The following TULP4 variants were observed in gnomAD, a reference collection of about 807,000 sequenced individuals.
TULP4 encodes the protein TUB like protein 4, also known as tubby-related protein 4.
TULP4 carries 16 observed loss-of-function variants against 129.0 expected under a neutral mutation model. That is an observed-to-expected ratio of 0.12 (90% CI 0.08 to 0.19). The LOEUF (loss-of-function observed/expected upper bound fraction) is 0.19, where lower values mean the gene tolerates loss of function less well. Ranked by LOEUF, TULP4 falls within the 10% of genes least tolerant of loss-of-function variation. TULP4 has a pLI of 1.00. For synonymous variants in TULP4, 998 were observed against 854.0 expected (o/e 1.17, Z -2.94); for missense variants, 1,842 against 2,059.1 (o/e 0.89, Z 2.04).
At chr6:158,357,649 A>C (rs1392277384) in intron 1 of TULP4, among the ~76,000 whole-genome samples, 2 of 152,168 alleles carry the variant, frequency 1.3e-5, no homozygotes, top group Admixed American at 1.3e-4. Flanking sequence ...TCGTCTCCTG[A>C]AACTTGAAGT....
At chr6:158,328,393 C>T (rs1352216144) in intron 1 of TULP4, among the ~76,000 whole-genome samples, 1 of 152,008 alleles carries the variant, frequency 6.6e-6, no homozygotes, top group Admixed American at 6.5e-5. Flanking sequence ...TGAAATTGAA[C>T]TCAGGAACCT....
At chr6:158,470,571 C>T (rs1007168879) in intron 6 of TULP4, among the ~76,000 whole-genome samples, 2 of 152,186 alleles carry the variant, frequency 1.3e-5, no homozygotes, top group Non-Finnish European at 2.9e-5. Context: ...AAGGTGGATG[C>T]GGTCACCTTC....
At chr6:158,473,726 G>T (rs1426602192) in intron 6 of TULP4, among the ~76,000 whole-genome samples, 1 of 151,894 alleles carries the variant, frequency 6.6e-6, no homozygotes, top group South Asian at 2.1e-4. Context: ...TCACCATGTT[G>T]GTCAGGCTGG....
chr6:158,450,260 C>G (rs1779136746), intron 4 of TULP4, among the ~76,000 whole-genome samples: 1 of 152,126 alleles, frequency 6.6e-6, no homozygotes, highest in Admixed American at 6.6e-5. Context: ...AGTCAAAGGG[C>G]ACAGTGGGTG....
At chr6:158,500,757 T>C (rs1450680413) in intron 12 of TULP4, among the ~76,000 whole-genome samples, 1 of 152,200 alleles carries the variant, frequency 6.6e-6, no homozygotes, top group Non-Finnish European at 1.5e-5. Flanking sequence ...CCTTACATAC[T>C]GTTTGAAATG....
At chr6:158,268,758 C>G (rs1281201604) in intron 1 of TULP4, among the ~76,000 whole-genome samples, 1 of 152,132 alleles carries the variant, frequency 6.6e-6, no homozygotes, top group Non-Finnish European at 1.5e-5. Flanking sequence ...AATTATATTA[C>G]TTACAAATCA....
intron 1 of TULP4, chr6:158,237,929 C>T: frequency 1.4e-6 from 1 of 728,842 alleles, no homozygotes; most frequent in Non-Finnish European, 2.6e-6. Context: ...CATAGCTGTT[C>T]TAGGTCACTA....
At chr6:158,303,158 C>T (rs901455541) in intron 1 of TULP4, among the ~76,000 whole-genome samples, 4 of 151,072 alleles carry the variant, frequency 2.6e-5, no homozygotes, top group African/African-American at 9.8e-5. Context: ...CATCCTAGGA[C>T]CCCGTGTCTT....
At chr6:158,423,386 G>C (rs1217821826) in intron 2 of TULP4, among the ~76,000 whole-genome samples, 1 of 152,142 alleles carries the variant, frequency 6.6e-6, no homozygotes, top group African/African-American at 2.4e-5. Context: ...AGTAGAGTAA[G>C]TATAGCAAAT....
chr6:158,326,388 T>C (rs1779749587), intron 1 of TULP4, among the ~76,000 whole-genome samples: 1 of 152,230 alleles, frequency 6.6e-6, no homozygotes, highest in South Asian at 2.1e-4. Flanking sequence ...CCTTCTGCTC[T>C]CTGGATTGGT....
chr6:158,293,536 T>TA (rs1217918958), intron 1 of TULP4, among the ~76,000 whole-genome samples: 2 of 152,204 alleles, frequency 1.3e-5, no homozygotes, highest in African/African-American at 4.8e-5. Flanking sequence ...AATAAAAAAT[T>TA]ACCTCTACCA....
intron 1 of TULP4, among the ~76,000 whole-genome samples, chr6:158,351,623 T>C (rs1780525508): frequency 6.6e-6 from 1 of 151,954 alleles, no homozygotes; most frequent in Admixed American, 6.6e-5. Context: ...AGACACCTTA[T>C]GTAACTCAGG....
At chr6:158,330,138 CT>C (rs10712312) in intron 1 of TULP4, among the ~76,000 whole-genome samples, 139,071 of 152,162 alleles carry the variant, frequency 0.91, 63,782 homozygotes, top group Admixed American at 0.95. Flanking sequence ...AACCGATACT[CT>C]TTTTTTTATA....
chr6:158,295,360 T>A (rs1050954807), intron 1 of TULP4, among the ~76,000 whole-genome samples: 1 of 151,996 alleles, frequency 6.6e-6, no homozygotes, highest in Non-Finnish European at 1.5e-5. Flanking sequence ...TACAATAATT[T>A]AAAAAAAACT....
intron 3 of TULP4, among the ~76,000 whole-genome samples, chr6:158,430,732 C>T (rs1037021643): frequency 2.0e-5 from 3 of 151,896 alleles, no homozygotes; most frequent in African/African-American, 4.8e-5. Flanking sequence ...GGTGACAGAG[C>T]GATACTCCAT....
In TULP4 at chr6:158,509,941, T is replaced by A. The variant is rs1445118964; in HGVS notation, c.*3247T>A. On this transcript the variant is annotated 3_prime_UTR_variant, in exon 14 of 14. Coordinates refer to ENST00000367097, the MANE Select transcript of TULP4 (RefSeq NM_020245.5). ...ACTTTATGCAGGAGATTTCTAAAAA[T>A]TTAATGTTTATTAATAGTTTATGAA... The A allele has an allele frequency of 1.3e-5, 2 of 152,256 alleles. No individual in the cohort carries two copies. Among genetic ancestry groups the A allele is most frequent in the Non-Finnish European group, 2.9e-5 (2 of 68,040 alleles). 9.4% of individuals were successfully genotyped at this position (152,256 alleles called of 1,614,324 possible).
intron 1 of TULP4, among the ~76,000 whole-genome samples, chr6:158,299,140 G>A (rs1401836154): frequency 1.3e-5 from 2 of 152,100 alleles, no homozygotes; most frequent in African/African-American, 4.8e-5. Context: ...GCCTCGGTCG[G>A]GGTGGGGGGT....
intron 4 of TULP4, among the ~76,000 whole-genome samples, chr6:158,449,973 T>G (rs341137): frequency 0.21 from 31,472 of 151,912 alleles, 3,684 homozygotes; most frequent in Middle Eastern, 0.28. Context: ...ATCATTTTAG[T>G]TAACATATTC....
rs149962359 is a variant in TULP4, at chr6:158,467,835, G to T, written c.1026+6106G>T. On this transcript the variant is annotated intron_variant, in intron 6 of 13. Transcript: ENST00000367097. Reference sequence around the variant, plus strand: ...TCCTTTCTTCCAAGCTTTGCACCACGCCTGGAACAGATCTTGGCTCATGGC... The same window carrying T: ...TCCTTTCTTCCAAGCTTTGCACCACTCCTGGAACAGATCTTGGCTCATGGC... Among the ~76,000 whole-genome samples, 388 of 152,190 alleles carry T rather than the reference G, an allele frequency of 2.5e-3. 4 individuals carry two copies. Among genetic ancestry groups the T allele is most frequent in the African/African-American group, 9.0e-3 (372 of 41,508 alleles).
Sources: gnomAD v4.1 joint callset for allele counts (sites outside exome capture counted in the v4.1 genomes callset) on GRCh38, gnomAD v4.1.1 for gene constraint, MANE v1.5 for transcripts, NCBI Gene and HGNC (gene_info 2026-07-23, HGNC 2026-07-21) for gene names.